CUX1: variants seen among roughly 807,000 people sequenced by gnomAD.
The protein encoded by CUX1 is protein CASP.
A neutral mutation model predicts 158.8 loss-of-function variants in CUX1; 31 were observed. The observed-to-expected ratio is 0.20, with a 90% CI of 0.15 to 0.26. CUX1 has a LOEUF of 0.26. Among genes scored for constraint, CUX1 ranks in the 10% least tolerant of loss-of-function variants. The probability of loss-of-function intolerance (pLI) is 1.00; values close to 1 mark genes in which losing one functional copy is unlikely to be tolerated. For synonymous variants in CUX1, 879 were observed against 862.1 expected (o/e 1.02, Z -0.34); for missense variants, 1,589 against 2,014.6 (o/e 0.79, Z 4.04).
At chr7:101,859,251 C>T (rs556537653) in intron 1 of CUX1, among the ~76,000 whole-genome samples, 6 of 152,234 alleles carry the variant, frequency 3.9e-5, no homozygotes, top group East Asian at 1.9e-4. Flanking sequence ...GGGGGAGAGG[C>T]GGCTTATGAT....
At chr7:102,245,750 TC>T (rs1800739764) in intron 23 of CUX1, among the ~76,000 whole-genome samples, 1 of 152,088 alleles carries the variant, frequency 6.6e-6, no homozygotes, top group Non-Finnish European at 1.5e-5. Context: ...GGCAGGTGGA[TC>T]ACCTGAGGTC....
At chr7:101,870,519 G>A (rs1368341582) in intron 1 of CUX1, among the ~76,000 whole-genome samples, 1 of 152,108 alleles carries the variant, frequency 6.6e-6, no homozygotes, top group African/African-American at 2.4e-5. Context: ...TCAAAGCAGG[G>A]CATTCTTTCC....
At chr7:101,911,499 G>A (rs987248731) in intron 1 of CUX1, among the ~76,000 whole-genome samples, 3 of 142,680 alleles carry the variant, frequency 2.1e-5, no homozygotes, top group Non-Finnish European at 3.0e-5. Flanking sequence ...GACCTGAGCC[G>A]TGGCCTTGGC....
At chr7:101,826,959 G>T (rs62463718) in intron 1 of CUX1, among the ~76,000 whole-genome samples, 1 of 151,974 alleles carries the variant, frequency 6.6e-6, no homozygotes, top group Non-Finnish European at 1.5e-5. Flanking sequence ...GTGAAAGCAG[G>T]TAGATTATAT....
intron 8 of CUX1, chr7:102,125,735 A>C (rs547233617): frequency 6.7e-6 from 1 of 150,180 alleles, no homozygotes; most frequent in African/African-American, 2.4e-5. Flanking sequence ...GTGTCCATGT[A>C]TATAAACATG....
intron 2 of CUX1, among the ~76,000 whole-genome samples, chr7:101,984,090 ATATATATATATATAT>A (rs1164830465): frequency 1.1e-4 from 4 of 35,004 alleles, no homozygotes; most frequent in Non-Finnish European, 1.0e-4. Flanking sequence ...AAAAAAAAAA[ATATATATATATATAT>A]ATATATATAT....
intron 2 of CUX1, among the ~76,000 whole-genome samples, chr7:101,944,249 G>A (rs539625672): frequency 1.3e-5 from 2 of 152,296 alleles, no homozygotes; most frequent in Admixed American, 6.5e-5. Context: ...CTGCAGGATG[G>A]AGTGGGAAGG....
At chr7:101,940,629 C>T (rs569646975) in intron 2 of CUX1, among the ~76,000 whole-genome samples, 31 of 151,928 alleles carry the variant, frequency 2.0e-4, no homozygotes, top group African/African-American at 6.5e-4. Flanking sequence ...CATTTAATTC[C>T]TTTGTCCTTT....
In CUX1 at chr7:101,840,143, C is replaced by T. The variant is rs2906744; in HGVS notation, c.30+22474C>T. 7.5e-3 allele frequency among the ~76,000 whole-genome samples: 1,138 copies of T among 152,292 alleles called. 17 individuals are homozygous for T. The highest frequency in any genetic ancestry group is 0.026 in the African/African-American group (1,062 of 41,560). ...GGAAACAATTGGTTTTTGTTGATTT[C>T]GAAGCTGGGAAGCTTGCTGTTAATA... On this transcript the variant is annotated intron_variant, in intron 1 of 23. Coordinates refer to ENST00000292535, the MANE Select transcript of CUX1 (RefSeq NM_181552.4).
At chr7:102,237,482 A>C (rs782692626) in intron 22 of CUX1, among the ~76,000 whole-genome samples, 1 of 151,986 alleles carries the variant, frequency 6.6e-6, no homozygotes. Context: ...GGGTCTCTCT[A>C]TGTTCTCCAG....
At chr7:102,092,337 G>A (rs969315266) in intron 4 of CUX1, among the ~76,000 whole-genome samples, 2 of 152,078 alleles carry the variant, frequency 1.3e-5, no homozygotes, top group African/African-American at 4.8e-5. Flanking sequence ...TTCACTGGGC[G>A]CTGCCTCTGA....
At chr7:102,052,514 T>C (rs1823637020) in intron 3 of CUX1, among the ~76,000 whole-genome samples, 3 of 152,212 alleles carry the variant, frequency 2.0e-5, no homozygotes, top group African/African-American at 7.2e-5. Flanking sequence ...GGATGTCCCA[T>C]GTTTTATTTA....
At chr7:102,057,092 G>A (rs1183829633) in intron 3 of CUX1, among the ~76,000 whole-genome samples, 3 of 151,024 alleles carry the variant, frequency 2.0e-5, no homozygotes, top group Non-Finnish European at 4.4e-5. Context: ...TATTAGAGAT[G>A]GAGTTTCACT....
chr7:101,987,384 C>T (rs1395473587), intron 2 of CUX1, among the ~76,000 whole-genome samples: 3 of 152,180 alleles, frequency 2.0e-5, no homozygotes, highest in South Asian at 2.1e-4. Flanking sequence ...AATGGGTTGG[C>T]GACAGTGACT....
chr7:101,962,601 A>C (rs931580079), intron 2 of CUX1, among the ~76,000 whole-genome samples: 1 of 152,196 alleles, frequency 6.6e-6, no homozygotes, highest in Non-Finnish European at 1.5e-5. Flanking sequence ...GGATGATAGA[A>C]GCGAGCTGAA....
intron 3 of CUX1, among the ~76,000 whole-genome samples, chr7:102,051,591 G>T (rs1823503743): frequency 6.6e-6 from 1 of 150,850 alleles, no homozygotes; most frequent in Non-Finnish European, 1.5e-5. Context: ...GGAGGCAGAG[G>T]TTGCAGTGAG....
chr7:101,876,238 T>C (rs774527568), intron 1 of CUX1, among the ~76,000 whole-genome samples: 1 of 148,824 alleles, frequency 6.7e-6, no homozygotes, highest in Non-Finnish European at 1.5e-5. Context: ...CCAGCTACTC[T>C]GGAGGCTGAG....
At chr7:102,137,989 C>T (rs1554499175) in intron 8 of CUX1, among the ~76,000 whole-genome samples, 1 of 152,106 alleles carries the variant, frequency 6.6e-6, no homozygotes, top group African/African-American at 2.4e-5. Flanking sequence ...AACTGGAGAC[C>T]AGCCTGGGCA....
intron 3 of CUX1, among the ~76,000 whole-genome samples, chr7:102,038,954 TTAAA>T (rs756301523): frequency 1.3e-5 from 2 of 151,828 alleles, no homozygotes; most frequent in African/African-American, 2.4e-5. Context: ...TAAAAGAAAA[TTAAA>T]TAGATAAATA....
Sources: gnomAD v4.1 joint callset for allele counts (sites outside exome capture counted in the v4.1 genomes callset) on GRCh38, gnomAD v4.1.1 for gene constraint, MANE v1.5 for transcripts, NCBI Gene and HGNC (gene_info 2026-07-23, HGNC 2026-07-21) for gene names.